Variants in FHIT observed in about 807,000 individuals in gnomAD.
FHIT encodes fragile histidine triad diadenosine triphosphatase.
In FHIT, 19 loss-of-function variants were observed where a neutral mutation model predicts 17.9. The ratio of observed to expected loss-of-function variants is 1.06; its 90% CI spans 0.74 to 1.56. The LOEUF (loss-of-function observed/expected upper bound fraction) is 1.56. Among genes scored for constraint, FHIT ranks in the 40% most tolerant of loss-of-function variants. The pLI is 0.00. For missense variants in FHIT, 248 were observed against 189.2 expected (o/e 1.31, Z -1.82); for synonymous variants, 81 against 69.7 (o/e 1.16, Z -0.81).
intron 4 of FHIT, among the ~76,000 whole-genome samples, chr3:60,765,216 T>C (rs1699808174): frequency 6.6e-6 from 1 of 152,200 alleles, no homozygotes; most frequent in Admixed American, 6.5e-5. Context: ...CTATACCTTC[T>C]AGAATGATGT....
intron 7 of FHIT, among the ~76,000 whole-genome samples, chr3:59,990,690 A>G (rs1709187623): frequency 6.6e-6 from 1 of 152,068 alleles, no homozygotes; most frequent in Non-Finnish European, 1.5e-5. Context: ...AACATGAGCA[A>G]AGAACTAGGT....
chr3:59,954,534 C>T (rs927045075), intron 7 of FHIT, among the ~76,000 whole-genome samples: 2 of 152,108 alleles, frequency 1.3e-5, no homozygotes, highest in African/African-American at 4.8e-5. Flanking sequence ...AGACTCCTCT[C>T]CTGGGAAAAT....
At chr3:61,125,904 C>CGAGAA (rs2036592135) in intron 2 of FHIT, among the ~76,000 whole-genome samples, 1 of 152,162 alleles carries the variant, frequency 6.6e-6, no homozygotes, top group African/African-American at 2.4e-5. Context: ...CATATAGAAT[C>CGAGAA]TTCTCCAGTC....
At chr3:60,491,314 A>AG (rs747469388) in intron 5 of FHIT, among the ~76,000 whole-genome samples, 29 of 152,240 alleles carry the variant, frequency 1.9e-4, no homozygotes, top group Admixed American at 5.9e-4. Context: ...CACACATACT[A>AG]GCAGCCCTAT....
rs1703590491 is a variant in FHIT at position 60,860,138 on chromosome 3, TATA to T, written c.-110-38130_-110-38128del. On this transcript the variant is annotated intron_variant, in intron 3 of 9. Transcript: ENST00000492590. ...ATATATAAATGATATATCTGATATA[TATA>T]CATATGGTATATATGATATACATCA... Among the ~76,000 whole-genome samples the T allele has an allele frequency of 9.7e-5, 14 of 144,930 alleles. 1 individual carries two copies. The highest frequency in any genetic ancestry group is 2.1e-4 in the African/African-American group (8 of 39,016).
intron 4 of FHIT, among the ~76,000 whole-genome samples, chr3:60,655,188 G>A (rs2040085688): frequency 6.6e-6 from 1 of 152,196 alleles, no homozygotes. Context: ...GTAAGACCAG[G>A]AATGTTGAAA....
At chr3:60,112,908 AG>A (rs1179725416) in intron 5 of FHIT, among the ~76,000 whole-genome samples, 1 of 152,190 alleles carries the variant, frequency 6.6e-6, no homozygotes, top group African/African-American at 2.4e-5. Context: ...AACCACTTTA[AG>A]CCATTTGCTG....
At chr3:60,014,209 G>C in intron 5 of FHIT, 57 bp from the exon 6 acceptor site, 1 of 1,580,386 alleles carries the variant, frequency 6.3e-7, no homozygotes, top group Non-Finnish European at 8.7e-7. Flanking sequence ...TTCTTACCAA[G>C]CAGTTCATAC....
rs540763907 is a variant in FHIT, at chr3:61,147,991, A to G, written c.-164+52626T>C. Among the ~76,000 whole-genome samples, 11 of 151,974 alleles carry G rather than the reference A, an allele frequency of 7.2e-5. No homozygotes were observed. The South Asian group carries it at 1.4e-3, about 20-fold the overall frequency. On this transcript the variant is annotated intron_variant, in intron 2 of 9. Transcript: ENST00000492590. ...TTTTAACTTCAGAAAGAATTATTCT[A>G]GGATTCAAAAGTCCAGTTAAATACA... is the stretch of plus-strand genomic sequence containing the variant.
At chr3:60,287,280 T>C (rs1270407200) in intron 5 of FHIT, among the ~76,000 whole-genome samples, 1 of 152,134 alleles carries the variant, frequency 6.6e-6, no homozygotes, top group Non-Finnish European at 1.5e-5. Context: ...GCAATTCTCC[T>C]GCCTCAGCCT....
chr3:59,971,382 T>C (rs17375746), intron 7 of FHIT, among the ~76,000 whole-genome samples: 13,228 of 152,176 alleles, frequency 0.087, 803 homozygotes, highest in South Asian at 0.15. Flanking sequence ...GAGGATTCCA[T>C]TGTGTCCAGA....
intron 5 of FHIT, among the ~76,000 whole-genome samples, chr3:60,533,832 C>T (rs545912227): frequency 1.3e-5 from 2 of 152,142 alleles, no homozygotes; most frequent in African/African-American, 2.4e-5. Context: ...AACAGACATT[C>T]CTTATTGGTT....
chr3:60,363,572 T>G (rs965033), intron 5 of FHIT, among the ~76,000 whole-genome samples: 1 of 151,834 alleles, frequency 6.6e-6, no homozygotes, highest in Admixed American at 6.6e-5. Context: ...GGTTACATCA[T>G]TTTTCCAAGG....
intron 4 of FHIT, among the ~76,000 whole-genome samples, chr3:60,623,243 C>G (rs1553679443): frequency 6.6e-6 from 1 of 152,184 alleles, no homozygotes; most frequent in Non-Finnish European, 1.5e-5. Flanking sequence ...GTCCAATATG[C>G]CATCACTTTA....
Position 59,996,285 on chromosome 3 carries a change from G to C in FHIT, c.279+15086C>G, listed in dbSNP as rs139633704. On this transcript the variant is annotated intron_variant, in intron 7 of 9. Coordinates refer to ENST00000492590, the MANE Select transcript of FHIT (RefSeq NM_002012.4). Reference sequence around the variant, plus strand: ...AATACTTAAAGCATGCATTTCCCATGAGTGAGAGAGACATTTTGCAAACAT... The same window carrying C: ...AATACTTAAAGCATGCATTTCCCATCAGTGAGAGAGACATTTTGCAAACAT... 8.5e-5 allele frequency among the ~76,000 whole-genome samples: 13 copies of C among 152,184 alleles called. No homozygotes were observed. In the East Asian group the frequency reaches 2.1e-3, roughly 25 times the overall value.
At chr3:60,220,942 G>T (rs1703932733) in intron 5 of FHIT, among the ~76,000 whole-genome samples, 1 of 152,144 alleles carries the variant, frequency 6.6e-6, no homozygotes, top group Non-Finnish European at 1.5e-5. Context: ...AACGTGTGGG[G>T]ATTGTTTTAA....
intron 2 of FHIT, among the ~76,000 whole-genome samples, chr3:61,097,010 G>C (rs535180389): frequency 6.6e-6 from 1 of 151,562 alleles, no homozygotes; most frequent in Non-Finnish European, 1.5e-5. Flanking sequence ...ACCTGGGAGG[G>C]GGAGGCTGCT....
chr3:60,655,030 C>A (rs1262532765), intron 4 of FHIT, among the ~76,000 whole-genome samples: 1 of 151,962 alleles, frequency 6.6e-6, no homozygotes, highest in East Asian at 1.9e-4. Flanking sequence ...AAGTGGCAAG[C>A]CCAATAGAAG....
intron 8 of FHIT, among the ~76,000 whole-genome samples, chr3:59,918,911 T>C (rs191161416): frequency 8.5e-4 from 129 of 152,202 alleles, no homozygotes; most frequent in African/African-American, 3.0e-3. Context: ...GGACCATCAA[T>C]ATGCAATGCT....
Sources: allele counts gnomAD v4.1 joint callset (sites outside exome capture counted in the v4.1 genomes callset), GRCh38; gene constraint gnomAD v4.1.1; transcripts MANE v1.5; gene names NCBI Gene and HGNC (gene_info 2026-07-23, HGNC 2026-07-21).